ARHGAP33: variants seen among roughly 807,000 people sequenced by gnomAD.
ARHGAP33 encodes rho GTPase-activating protein 33.
A neutral mutation model predicts 126.2 loss-of-function variants in ARHGAP33; 57 were observed. The observed-to-expected ratio is 0.45, with a 90% CI of 0.36 to 0.56. The LOEUF (loss-of-function observed/expected upper bound fraction) is 0.56. Among genes scored for constraint, ARHGAP33 ranks in the 20% least tolerant of loss-of-function variants. The pLI is 0.00. For missense variants in ARHGAP33, 1,500 were observed against 1,748.3 expected (o/e 0.86, Z 2.53); for synonymous variants, 711 against 755.0 (o/e 0.94, Z 0.95).
chr19:35,783,816 C>T (rs1198962247), intron 15 of ARHGAP33, among the ~76,000 whole-genome samples: 2 of 150,600 alleles, frequency 1.3e-5, no homozygotes, highest in African/African-American at 4.9e-5. Flanking sequence ...CAGGTGGGAG[C>T]ATACTTTAGG....
chr19:35,787,732 GC>G lies in ARHGAP33; in HGVS notation c.3173del (p.Pro1058HisfsTer115). Reference sequence around the variant, plus strand: ...CCCAAGCCAGGCTTGTACCCCCTGGGCCCCCCATCCTTCCAGCCCAGTTCCC... The same window carrying G: ...CCCAAGCCAGGCTTGTACCCCCTGGGCCCCCATCCTTCCAGCCCAGTTCCC... ...GVPKPGLYPLGPPSFQPSSPA... is the reference protein window; with the variant it reads ...GVPKPGLYPLXPPSFQPSSPA... On this transcript the variant is annotated frameshift_variant, in exon 21 of 21. Coordinates refer to ENST00000007510, the MANE Select transcript of ARHGAP33 (RefSeq NM_001366178.1). LOFTEE classifies it high-confidence loss of function. The G allele has an allele frequency of 1.3e-6, 2 of 1,585,538 alleles. No individual in the cohort carries two copies. Among genetic ancestry groups the G allele is most frequent in the Non-Finnish European group, 1.7e-6 (2 of 1,170,470 alleles).
rs778620090 is a variant in ARHGAP33, at chr19:35,780,900, T to TTTGCCCC, written c.830-12_830-6dup. ...GACCCCACAAGACCTGCCTTTGCCC[T>TTTGCCCC]TTGCCCCTTGCCCCCACAGCTGTGC... On this transcript the variant is annotated intron_variant, in intron 10 of 20. Transcript: ENST00000007510. 14 of 1,610,570 alleles carry TTTGCCCC rather than the reference T, an allele frequency of 8.7e-6. No homozygotes were observed. In the African/African-American group the frequency reaches 1.1e-4, roughly 12 times the overall value.
chr19:35,780,507 A>G lies in ARHGAP33; in HGVS notation c.702+9A>G, dbSNP rs1971698083. The G allele has an allele frequency of 2.5e-5, 41 of 1,609,214 alleles. No homozygotes were observed. Among genetic ancestry groups the G allele is most frequent in the Non-Finnish European group, 3.5e-5 (41 of 1,177,012 alleles). On this transcript the variant is annotated intron_variant, in intron 8 of 20. Transcript: ENST00000007510. ...GCAAGCGAGGCTTCCAGGTGAGTCCAGCTGGGCGCGGACAGGTGGGGCTGG... is the reference window on the plus strand; with the variant it reads ...GCAAGCGAGGCTTCCAGGTGAGTCCGGCTGGGCGCGGACAGGTGGGGCTGG...
rs144305387 is a variant in ARHGAP33 at position 35,784,264 on chromosome 19, A to G, written c.1514A>G (p.His505Arg). ...GTGGTGGTGGAGTTTCTGCTCACCCATGTGGACGTCCTGTTCAGCGACACC... is the reference window on the plus strand; with the variant it reads ...GTGGTGGTGGAGTTTCTGCTCACCCGTGTGGACGTCCTGTTCAGCGACACC... ...QSVVVEFLLT[H>R]VDVLFSDTFT... The change falls in exon 16 of 21, where the codon CAT (histidine) becomes CGT (arginine). Residue 505 changes from histidine (H) to arginine (R), a missense_variant. Transcript: ENST00000007510. 8.1e-5 allele frequency: 131 copies of G among 1,611,076 alleles called. No homozygotes were observed. Among genetic ancestry groups the G allele is most frequent in the Non-Finnish European group, 1.1e-4 (128 of 1,178,468 alleles).
rs1972239269 is a variant in ARHGAP33, at chr19:35,788,338, G to A, written c.3773G>A (p.Gly1258Glu). The change falls in exon 21 of 21, where the codon GGG (glycine) becomes GAG (glutamate). Residue 1258 changes from glycine (G) to glutamate (E), a missense_variant. Transcript: ENST00000007510. ...LHRGSLYRNG[G>E]QRGEGAGPPP... ...CGAGGGTCCTTGTACAGAAATGGAG[G>A]GCAAAGAGGGGAGGGGGCTGGTCCC... 1.2e-6 allele frequency: 2 copies of A among 1,607,238 alleles called. No individual in the cohort carries two copies. Among genetic ancestry groups the A allele is most frequent in the East Asian group, 2.2e-5 (1 of 44,656 alleles).
chr19:35,780,861 C>T (rs1210087747), intron 10 of ARHGAP33, 45 bp downstream of exon 10: 4 of 1,613,070 alleles, frequency 2.5e-6, no homozygotes, highest in Non-Finnish European at 3.4e-6. Flanking sequence ...CCCCACCAGG[C>T]CCCTGGCCAT....
chr19:35,784,207 C>T lies in ARHGAP33; in HGVS notation c.1457C>T (p.Ala486Val), dbSNP rs144830291. 38 of 1,611,838 alleles carry T rather than the reference C, an allele frequency of 2.4e-5. No homozygotes were observed. In the South Asian group the frequency reaches 3.4e-4, roughly 14 times the overall value. The change falls in exon 16 of 21, where the codon GCG (alanine) becomes GTG (valine). Residue 486 changes from alanine to valine, a missense_variant. Ala to Val is a moderately conservative substitution (Grantham distance 64). Coordinates refer to ENST00000007510, the MANE Select transcript of ARHGAP33 (RefSeq NM_001366178.1). Reference sequence around the variant, plus strand: ...CTGGAGTCAGTGGGAATGGGTGGCGCGGCGGCGTTCCGGGAAGTTCGGGTG... The same window carrying T: ...CTGGAGTCAGTGGGAATGGGTGGCGTGGCGGCGTTCCGGGAAGTTCGGGTG... ...MELESVGMGG[A>V]AAFREVRVQS...
At chr19:35,784,458 C>T (rs1161007501) in intron 16 of ARHGAP33, 141 bp downstream of exon 16, 2 of 1,399,696 alleles carry the variant, frequency 1.4e-6, no homozygotes, top group East Asian at 2.8e-5. Context: ...CCCGCCCCGG[C>T]CTCTCCCTCC....
intron 3 of ARHGAP33, 111 bp from the exon 4 acceptor site, chr19:35,778,169 T>C (rs1386159663): frequency 1.7e-6 from 2 of 1,147,900 alleles, no homozygotes; most frequent in Non-Finnish European, 1.3e-6. Flanking sequence ...CACCAGGCCC[T>C]GTCCTCGGGG....
In ARHGAP33 at chr19:35,788,641, G is replaced by A. The variant is rs1972250792; in HGVS notation, c.*212G>A. On this transcript the variant is annotated 3_prime_UTR_variant, in exon 21 of 21. Coordinates refer to ENST00000007510, the MANE Select transcript of ARHGAP33 (RefSeq NM_001366178.1). ...CCATCCCCCCACCACCCTCCATCCT[G>A]GGGGCCCTCGCACAAATCTGGGGTG... 7.8e-6 allele frequency: 4 copies of A among 515,012 alleles called. No homozygotes were observed. The highest frequency in any genetic ancestry group is 7.1e-5 in the East Asian group (2 of 28,326). The allele number at this position is 515,012 out of a possible 1,614,324, so 31.9% of individuals were successfully genotyped here.
intron 1 of ARHGAP33, among the ~76,000 whole-genome samples, chr19:35,777,149 A>G (rs998416932): frequency 9.2e-5 from 14 of 152,192 alleles, no homozygotes; most frequent in African/African-American, 2.9e-4. Flanking sequence ...TTATCAGACC[A>G]GAGAATTCAG....
intron 6 of ARHGAP33, chr19:35,779,738 T>C: frequency 2.9e-6 from 1 of 350,516 alleles, no homozygotes; most frequent in South Asian, 2.1e-5. Flanking sequence ...CTCTGGCTAA[T>C]TAAAAAAAAA....
At position 35,780,412 on chromosome 19, in the gene ARHGAP33, C is replaced by T. The variant is rs1179264831; in HGVS notation, c.625-9C>T. ...TCTGACCCTTCTCTTCCCACCCGCC[C>T]TCTCCCAGGTGGGAGACATTGTCTC... On this transcript the variant is annotated splice_polypyrimidine_tract_variant and intron_variant, in intron 7 of 20. Transcript: ENST00000007510. 5.0e-6 allele frequency: 8 copies of T among 1,598,230 alleles called. No individual in the cohort carries two copies. In the Admixed American group the frequency reaches 6.8e-5, roughly 14 times the overall value.
chr19:35,785,344 T>A lies in ARHGAP33; in HGVS notation c.1867+10T>A. 1 of 1,613,586 alleles carries A rather than the reference T, an allele frequency of 6.2e-7. No individual in the cohort carries two copies. The highest frequency in any genetic ancestry group is 8.5e-7 in the Non-Finnish European group (1 of 1,179,592). ...CCACCGCAGCCTTCAGGTGAGAGGC[T>A]GAGCCATGGGCTGGTGGGCAGCGAT... On this transcript the variant is annotated intron_variant, in intron 18 of 20. Coordinates refer to ENST00000007510, the MANE Select transcript of ARHGAP33 (RefSeq NM_001366178.1).
chr19:35,781,983 C>G (rs918419883), intron 12 of ARHGAP33, among the ~76,000 whole-genome samples: 4 of 152,098 alleles, frequency 2.6e-5, no homozygotes, highest in Non-Finnish European at 5.9e-5. Context: ...GATTTTACCA[C>G]AGGCAGTGGG....
In ARHGAP33 at chr19:35,788,707, G is replaced by A. The variant is rs1387153842; in HGVS notation, c.*278G>A. 4.9e-6 allele frequency: 2 copies of A among 411,152 alleles called. No homozygotes were observed. Among genetic ancestry groups the A allele is most frequent in the Admixed American group, 4.4e-5 (1 of 22,846 alleles). The allele number at this position is 411,152 out of a possible 1,614,324, so 25.5% of individuals were successfully genotyped here. ...ACCCCATCCTCCTCTCCCTCCAGGA[G>A]CCCCCAGCATGTCCTGACCTGTGCA... On this transcript the variant is annotated 3_prime_UTR_variant, in exon 21 of 21. Coordinates refer to ENST00000007510, the MANE Select transcript of ARHGAP33 (RefSeq NM_001366178.1).
intron 12 of ARHGAP33, among the ~76,000 whole-genome samples, chr19:35,781,963 A>G (rs1049365159): frequency 1.3e-5 from 2 of 152,072 alleles, no homozygotes; most frequent in Admixed American, 6.6e-5. Context: ...GGAGGTGGCA[A>G]TGGGTGGGAG....
chr19:35,782,942 CTT>C lies in ARHGAP33; in HGVS notation c.1421+76_1421+77del. 7.5e-7 allele frequency: 1 copy of C among 1,337,526 alleles called. No individual in the cohort carries two copies. The highest frequency in any genetic ancestry group is 1.5e-5 in the African/African-American group (1 of 68,940). 82.9% of individuals were successfully genotyped at this position (1,337,526 alleles called of 1,614,324 possible). On this transcript the variant is annotated intron_variant, in intron 15 of 20. Transcript: ENST00000007510. This position sits in a 1 kb window ranked among gnomAD's most constrained non-coding sequence, Gnocchi z 4.1. The stretch of plus-strand genomic sequence containing the variant: ...CACCCCAGGAACCCGCCCAGCTTTT[CTT>C]TTGTTTATTCATCGAATACGTGTCT...
rs1330384853 is a variant in ARHGAP33, at chr19:35,785,036, C to T, written c.1651C>T (p.Arg551Cys). ...RLLTLEEAQA[R>C]TQGRLGTPTE... is the part of the protein sequence containing the mutation. ...GCTGACGCTGGAGGAAGCCCAGGCA[C>T]GCACCCAGGGCCGGCTGGGGACGCC... is the stretch of plus-strand genomic sequence containing the variant. Residue 551 changes from arginine (R) to cysteine (C), a missense_variant, in exon 17 of 21, where the codon CGC becomes TGC. This residue lies in a region of ARHGAP33 where 300 missense variants were observed against 291.1 expected (regional missense o/e 1.03). Coordinates refer to ENST00000007510, the MANE Select transcript of ARHGAP33 (RefSeq NM_001366178.1). 3 of 1,552,494 alleles carry T rather than the reference C, an allele frequency of 1.9e-6. No individual in the cohort carries two copies. Among genetic ancestry groups the T allele is most frequent in the South Asian group, 1.2e-5 (1 of 84,402 alleles).
Sources: allele counts gnomAD v4.1 joint callset (sites outside exome capture counted in the v4.1 genomes callset), GRCh38; gene constraint gnomAD v4.1.1; regional missense constraint gnomAD v4.1.1; non-coding constraint Gnocchi (gnomAD v3.1); transcripts MANE v1.5; gene names NCBI Gene and HGNC (gene_info 2026-07-23, HGNC 2026-07-21).